Variants in SMG5 observed in about 807,000 individuals in gnomAD.
The protein encoded by SMG5 is nonsense-mediated mRNA decay factor SMG5.
SMG5 carries 53 observed loss-of-function variants against 122.9 expected under a neutral mutation model. That is an observed-to-expected ratio of 0.43 (90% confidence interval 0.35 to 0.54). The LOEUF is 0.54. SMG5 is among the 20% of genes least tolerant of loss of function. The pLI is 0.01. For missense variants in SMG5, 1,153 were observed against 1,285.6 expected (o/e 0.90, Z 1.58); for synonymous variants, 477 against 490.2 (o/e 0.97, Z 0.35).
At position 156,282,767 on chromosome 1, in the gene SMG5, A is replaced by AGCCGCC. The variant is rs766141653; in HGVS notation, c.-93_-88dup. The AGCCGCC allele has an allele frequency of 2.9e-5, 40 of 1,401,636 alleles. No individual in the cohort carries two copies. The highest frequency in any genetic ancestry group is 1.0e-4 in the East Asian group (4 of 38,634). 86.8% of individuals were successfully genotyped at this position (1,401,636 alleles called of 1,614,324 possible). On this transcript the variant is annotated 5_prime_UTR_variant, in exon 1 of 22. Transcript: ENST00000361813. ...CACTGCCGTCTCCGGCCGTAGCCGCAGCCGCCGCCGCCACCGGCCCTGCTC... is the reference window on the plus strand; with the variant it reads ...CACTGCCGTCTCCGGCCGTAGCCGCAGCCGCCGCCGCCGCCGCCACCGGCCCTGCTC...
rs898277178 is a variant in SMG5, at chr1:156,268,143, G to C, written c.880C>G (p.Leu294Val). The C allele has an allele frequency of 3.1e-6, 5 of 1,614,060 alleles. No homozygotes were observed. Among genetic ancestry groups the C allele is most frequent in the Non-Finnish European group, 4.2e-6 (5 of 1,180,018 alleles). The change falls in exon 9 of 22, where the codon CTG becomes GTG. Residue 294 changes from leucine (L) to valine (V), a missense_variant. Physicochemically the swap from Leu to Val is conservative, Grantham distance 32. Coordinates refer to ENST00000361813, the MANE Select transcript of SMG5 (RefSeq NM_015327.3). ...IKRLLVNFMYLQSLLQPKSSS... is the reference protein window; with the variant it reads ...IKRLLVNFMYVQSLLQPKSSS... ...CTTTTGGGCTGTAGGAGGCTTTGCA[G>C]ATACATAAAGTTCACTAGCAACCTT...
In SMG5 at chr1:156,268,498, T is replaced by G. The variant is rs1045826939; in HGVS notation, c.714-83A>C. 3.9e-6 allele frequency: 6 copies of G among 1,547,146 alleles called. No homozygotes were observed. In the African/African-American group the frequency reaches 8.2e-5, roughly 21 times the overall value. ...CTGGGGCTTTAGGAAACAATGTTAC[T>G]AGTAAATACAGGCTGCTCCCAGCCT... On this transcript the variant is annotated intron_variant, in intron 7 of 21. Coordinates refer to ENST00000361813, the MANE Select transcript of SMG5 (RefSeq NM_015327.3).
chr1:156,265,676 G>A (rs1558238307), intron 12 of SMG5, 105 bp downstream of exon 12: 2 of 1,503,584 alleles, frequency 1.3e-6, no homozygotes, highest in East Asian at 2.3e-5. Flanking sequence ...AAAGGTAAGG[G>A]TAGAGACGAG....
Position 156,277,074 on chromosome 1 carries a change from G to A in SMG5, c.454+11C>T, listed in dbSNP as rs1171314914. On this transcript the variant is annotated intron_variant, in intron 4 of 21. Coordinates refer to ENST00000361813, the MANE Select transcript of SMG5 (RefSeq NM_015327.3). ...GAACCTGCTCAAGTCCACCTTTCAGGTTCCACTGACCTATGAGGGGGTCAG... is the reference window on the plus strand; with the variant it reads ...GAACCTGCTCAAGTCCACCTTTCAGATTCCACTGACCTATGAGGGGGTCAG... 4 of 1,610,136 alleles carry A rather than the reference G, an allele frequency of 2.5e-6. No individual in the cohort carries two copies. Among genetic ancestry groups the A allele is most frequent in the Non-Finnish European group, 2.5e-6 (3 of 1,177,788 alleles).
intron 15 of SMG5, 32 bp from the exon 16 acceptor site, chr1:156,259,195 G>C (rs1208994545): frequency 1.3e-6 from 2 of 1,532,472 alleles, no homozygotes; most frequent in South Asian, 1.3e-5. Flanking sequence ...CAGCGCTGCT[G>C]AGCAGGGCCC....
chr1:156,268,183 T>C lies in SMG5; in HGVS notation c.840A>G (p.Arg280=). 1 of 1,614,112 alleles carries C rather than the reference T, an allele frequency of 6.2e-7. No individual in the cohort carries two copies. Among genetic ancestry groups the C allele is most frequent in the Non-Finnish European group, 8.5e-7 (1 of 1,180,022 alleles). The change falls in exon 9 of 22, where the codon CGA becomes CGG. Residue 280 remains arginine (R), a splice_region_variant and synonymous_variant. Coordinates refer to ENST00000361813, the MANE Select transcript of SMG5 (RefSeq NM_015327.3). The part of the protein sequence containing the change: ...ETRKLSPGKK[R]CKDIKRLLVN... ...CTAGCAACCTTTTAATGTCTTTACATCTGAAATGAGAAGAGCCCAAAGTAA... is the reference window on the plus strand; with the variant it reads ...CTAGCAACCTTTTAATGTCTTTACACCTGAAATGAGAAGAGCCCAAAGTAA...
At chr1:156,259,287 G>T in intron 15 of SMG5, 124 bp from the exon 16 acceptor site, 1 of 1,019,570 alleles carries the variant, frequency 9.8e-7, no homozygotes, top group Non-Finnish European at 1.4e-6. Flanking sequence ...GCCAACAAGG[G>T]CTCCAGGGGA....
chr1:156,279,410 C>T (rs1662835686), intron 1 of SMG5, among the ~76,000 whole-genome samples: 1 of 152,172 alleles, frequency 6.6e-6, no homozygotes, highest in Non-Finnish European at 1.5e-5. Context: ...AGTAGAGAAA[C>T]TGTGATATGG....
chr1:156,265,025 C>CA (rs1251043369), intron 12 of SMG5, among the ~76,000 whole-genome samples: 1,145 of 99,324 alleles, frequency 0.012, 22 homozygotes, highest in African/African-American at 0.043. Flanking sequence ...GACTCTGTCT[C>CA]AAAAAAAAAA....
chr1:156,264,154 G>A (rs1427636212), intron 12 of SMG5, among the ~76,000 whole-genome samples: 2 of 149,254 alleles, frequency 1.3e-5, no homozygotes, highest in African/African-American at 4.9e-5. Context: ...TGTAATCTCA[G>A]CTACTCGGGA....
At chr1:156,273,581 T>G in intron 5 of SMG5, 131 bp from the exon 6 acceptor site, 2 of 796,706 alleles carry the variant, frequency 2.5e-6, no homozygotes, top group Non-Finnish European at 4.1e-6. Context: ...AGGAAGCAGG[T>G]TGCTGGGGTC....
At chr1:156,260,310 A>G (rs1661759021) in intron 15 of SMG5, 141 bp downstream of exon 15, 1 of 1,025,088 alleles carries the variant, frequency 9.8e-7, no homozygotes, top group East Asian at 2.8e-5. Context: ...TGAAGAAGGA[A>G]GCACAGCCTG....
rs1235967152 is a variant in SMG5, at chr1:156,259,040, T to G, written c.2407A>C (p.Ser803Arg). ...TGTGCCTGGGCCTGCTGCAGCAGGC[T>G]CTCCTGCTCAGACTGGGCAATGCTG... The part of the protein sequence containing the change: ...FVSIAQSEQE[S>R]LLQQAQAQFR... Residue 803 changes from serine to arginine, a missense_variant, in exon 16 of 22, where the codon AGC becomes CGC. Coordinates refer to ENST00000361813, the MANE Select transcript of SMG5 (RefSeq NM_015327.3). 1 of 1,613,802 alleles carries G rather than the reference T, an allele frequency of 6.2e-7. No homozygotes were observed. Among genetic ancestry groups the G allele is most frequent in the Admixed American group, 1.7e-5 (1 of 59,926 alleles).
Position 156,282,714 on chromosome 1 carries a change from G to A in SMG5, c.-34C>T, listed in dbSNP as rs773231635. ...GGTCCGGGGGCAGCTCCCGGTCACA[G>A]GCCCCTGCCACCCACCACTACCGCC... On this transcript the variant is annotated 5_prime_UTR_variant, in exon 1 of 22. Transcript: ENST00000361813. 7.9e-5 allele frequency: 124 copies of A among 1,571,442 alleles called. No individual in the cohort carries two copies. Among genetic ancestry groups the A allele is most frequent in the Non-Finnish European group, 1.0e-4 (119 of 1,165,526 alleles).
chr1:156,268,707 T>A (rs528358610), intron 7 of SMG5, among the ~76,000 whole-genome samples: 1 of 152,200 alleles, frequency 6.6e-6, no homozygotes, highest in African/African-American at 2.4e-5. Context: ...AAATACACTA[T>A]CCTTCATCTA....
chr1:156,287,606 C>CTTT (rs745468403), upstream of SMG5, among the ~76,000 whole-genome samples: 52 of 72,656 alleles, frequency 7.2e-4, no homozygotes, highest in East Asian at 2.3e-3. Context: ...TTACTCTCCA[C>CTTT]TTTTTTTTTT....
At position 156,250,308 on chromosome 1, in the gene SMG5, A is replaced by T. The variant is rs924003152; in HGVS notation, c.*279T>A. ...ACCCATGCCTACCACCTGCCCCTGGAGACAGCAGGGGAGCTGAGGCAGGAA... is the reference window on the plus strand; with the variant it reads ...ACCCATGCCTACCACCTGCCCCTGGTGACAGCAGGGGAGCTGAGGCAGGAA... On this transcript the variant is annotated 3_prime_UTR_variant, in exon 22 of 22. Transcript: ENST00000361813. 1 of 463,622 alleles carries T rather than the reference A, an allele frequency of 2.2e-6. No individual in the cohort carries two copies. Among genetic ancestry groups the T allele is most frequent in the Admixed American group, 3.7e-5 (1 of 27,324 alleles). 28.7% of individuals were successfully genotyped at this position (463,622 alleles called of 1,614,324 possible).
At chr1:156,284,885 G>T (rs537775767), upstream of SMG5, among the ~76,000 whole-genome samples, 3 of 152,242 alleles carry the variant, frequency 2.0e-5, no homozygotes, top group Admixed American at 1.3e-4. Flanking sequence ...TTGGTGGAGG[G>T]GCATAGAAGG....
upstream of SMG5, chr1:156,283,015 A>G: frequency 2.0e-6 from 1 of 503,076 alleles, no homozygotes; most frequent in Non-Finnish European, 3.5e-6. Flanking sequence ...GCTATCAGAG[A>G]ACGGACAGTG....
Sources: allele counts gnomAD v4.1 joint callset (sites outside exome capture counted in the v4.1 genomes callset), GRCh38; gene constraint gnomAD v4.1.1; transcripts MANE v1.5; gene names NCBI Gene and HGNC (gene_info 2026-07-23, HGNC 2026-07-21).